The following GYG2 variants were observed in gnomAD, a reference collection of about 807,000 sequenced individuals.
GYG2 encodes glycogenin-2.
In GYG2, 29 loss-of-function variants were observed where a neutral mutation model predicts 29.4. The ratio of observed to expected loss-of-function variants is 0.99; its 90% CI spans 0.74 to 1.35. The LOEUF (loss-of-function observed/expected upper bound fraction) is 1.35. Ranked by LOEUF, GYG2 falls within the 40% of genes most tolerant of loss-of-function variation. The pLI, the probability that GYG2 is intolerant of heterozygous loss-of-function variation, is 0.00. For synonymous variants in GYG2, 167 were observed against 172.3 expected, an observed-to-expected ratio of 0.97 and a Z score of 0.24; for missense variants, 370 against 385.7, an observed-to-expected ratio of 0.96 and a Z score of 0.34.
At chrX:2,841,564 G>A (rs1182243475) in intron 2 of GYG2, among the ~76,000 whole-genome samples, 4 of 111,578 alleles carry the variant, frequency 3.6e-5, no homozygotes, top group Non-Finnish European at 5.6e-5. Flanking sequence ...AGGAATTCTC[G>A]TTCTTTCTTC....
At chrX:2,861,289 T>TAAGTACTGGATTAC (rs1569067794) in intron 7 of GYG2, among the ~76,000 whole-genome samples, 4 of 108,938 alleles carry the variant, frequency 3.7e-5, no homozygotes, top group Admixed American at 1.0e-4. Flanking sequence ...TACTGGATTA[T>TAAGTACTGGATTAC]TAAGTACTGG....
chrX:2,839,113 A>G (rs2087442445), intron 2 of GYG2, among the ~76,000 whole-genome samples: 1 of 112,428 alleles, frequency 8.9e-6, no homozygotes, highest in Non-Finnish European at 1.9e-5. Context: ...TGAATTTGTC[A>G]AGCTTATGCT....
chrX:2,875,402 G>C (rs115540621), intron 8 of GYG2, among the ~76,000 whole-genome samples: 4,167 of 111,025 alleles, frequency 0.038, 210 homozygotes, highest in African/African-American at 0.13. Context: ...TCTTATGGAG[G>C]CCCAGTTCAG....
chrX:2,846,214 C>T (rs1386984253), intron 3 of GYG2, among the ~76,000 whole-genome samples: 1 of 100,906 alleles, frequency 9.9e-6, no homozygotes, highest in African/African-American at 3.6e-5. Flanking sequence ...TTACAGGCAT[C>T]CAACATCACG....
chrX:2,877,088 C>A, intron 9 of GYG2, 112 bp from the exon 10 acceptor site: 2 of 1,047,918 alleles, frequency 1.9e-6, no homozygotes, highest in South Asian at 2.3e-5. Context: ...TGGCCTCAAC[C>A]CAATAATTTG....
intron 8 of GYG2, among the ~76,000 whole-genome samples, chrX:2,870,250 A>G (rs1319497634): frequency 9.1e-6 from 1 of 110,025 alleles, no homozygotes; most frequent in Non-Finnish European, 1.9e-5. Context: ...CGTCCAGGCT[A>G]GAGTGCACTG....
intron 3 of GYG2, among the ~76,000 whole-genome samples, chrX:2,844,577 C>T (rs770483835): frequency 3.3e-5 from 2 of 61,107 alleles, no homozygotes; most frequent in Admixed American, 1.9e-4. Flanking sequence ...TATACGCACA[C>T]GCATGCGTAT....
At chrX:2,855,487 A>T (rs776986267) in intron 5 of GYG2, among the ~76,000 whole-genome samples, 1 of 111,317 alleles carries the variant, frequency 9.0e-6, no homozygotes, top group Non-Finnish European at 1.9e-5. Flanking sequence ...ATACCTAAAC[A>T]TCACAAAGGT....
intron 6 of GYG2, among the ~76,000 whole-genome samples, chrX:2,859,298 GTTA>G (rs988565741): frequency 5.5e-5 from 6 of 109,599 alleles, no homozygotes; most frequent in Admixed American, 9.8e-5. Context: ...ATAGTATTTT[GTTA>G]TTATTGATCA....
At chrX:2,841,942 G>A (rs1322393752) in intron 2 of GYG2, among the ~76,000 whole-genome samples, 2 of 111,850 alleles carry the variant, frequency 1.8e-5, no homozygotes, top group African/African-American at 6.5e-5. Flanking sequence ...CATCAGTCTT[G>A]TGCACAGAGA....
At chrX:2,853,724 C>A (rs2063994084) in intron 3 of GYG2, 1 of 310,495 alleles carries the variant, frequency 3.2e-6, no homozygotes, top group Non-Finnish European at 5.6e-6. Flanking sequence ...ATTAATTCTA[C>A]CGGTACAGTG....
intron 10 of GYG2, chrX:2,877,593 G>A: frequency 1.1e-6 from 1 of 889,175 alleles, no homozygotes; most frequent in Non-Finnish European, 1.4e-6. Flanking sequence ...TTGAGGGACT[G>A]TGGAAATTAA....
chrX:2,834,382 A>T (rs889035734), intron 2 of GYG2, among the ~76,000 whole-genome samples: 5 of 111,932 alleles, frequency 4.5e-5, no homozygotes, highest in African/African-American at 1.3e-4. Context: ...TCCTGGAGGG[A>T]TGGGAGCCAT....
At chrX:2,869,549 A>G (rs1261119317) in intron 8 of GYG2, among the ~76,000 whole-genome samples, 1 of 112,554 alleles carries the variant, frequency 8.9e-6, no homozygotes, top group Non-Finnish European at 1.9e-5. Flanking sequence ...CATAAATCGC[A>G]ATAATGTCAT....
chrX:2,875,892 T>C lies in GYG2; in HGVS notation c.1121T>C (p.Phe374Ser). 8.7e-7 allele frequency: 1 copy of C among 1,150,338 alleles called. No individual in the cohort carries two copies. Among genetic ancestry groups the C allele is most frequent in the Non-Finnish European group, 1.2e-6 (1 of 840,293 alleles). 94.8% of individuals were successfully genotyped at this position (1,150,338 alleles called of 1,213,427 possible). A position where few individuals can be genotyped will look rare whatever the true frequency, so the allele number is the denominator to read the frequency against. ...CAGCCTTCCCCTCAGCCTGCAGACT[T>C]CACAGAGACTGAAACCATCTTGGTA... ...LSQPSPQPADFTETETILQPA... is the reference protein window; with the variant it reads ...LSQPSPQPADSTETETILQPA... The change falls in exon 9 of 11, where the codon TTC (phenylalanine) becomes TCC (serine). Residue 374 changes from phenylalanine to serine, a missense_variant. By Grantham distance (155) the Phe-to-Ser change is radical. Coordinates refer to ENST00000398806, the MANE Select transcript of GYG2 (RefSeq NM_001079855.2).
chrX:2,850,268 A>G (rs1037178588), intron 3 of GYG2, among the ~76,000 whole-genome samples: 4 of 112,123 alleles, frequency 3.6e-5, no homozygotes, highest in Non-Finnish European at 7.5e-5. Flanking sequence ...AACATTTCAC[A>G]TGGGAGGTAA....
chrX:2,839,925 TC>T (rs1336183625), intron 2 of GYG2, among the ~76,000 whole-genome samples: 1 of 112,451 alleles, frequency 8.9e-6, no homozygotes, highest in Non-Finnish European at 1.9e-5. Context: ...GTACAGGGCC[TC>T]CTTTTGGAGT....
chrX:2,852,303 A>G (rs1046948327), intron 3 of GYG2, among the ~76,000 whole-genome samples: 1 of 111,380 alleles, frequency 9.0e-6, no homozygotes, highest in Non-Finnish European at 1.9e-5. Flanking sequence ...TTTATTTCAT[A>G]TTTTGGGCTT....
At chrX:2,843,168 T>G in intron 2 of GYG2, 45 bp from the exon 3 acceptor site, 1 of 1,110,906 alleles carries the variant, frequency 9.0e-7, no homozygotes, top group East Asian at 3.0e-5. Context: ...TCACCCCTGC[T>G]GTCCCTCAGG....
Sources: gnomAD v4.1 joint callset for allele counts (sites outside exome capture counted in the v4.1 genomes callset) on GRCh38, gnomAD v4.1.1 for gene constraint, MANE v1.5 for transcripts, NCBI Gene and HGNC (gene_info 2026-07-23, HGNC 2026-07-21) for gene names.